The following CPQ variants were observed in gnomAD, a reference collection of about 807,000 sequenced individuals.
CPQ encodes the protein carboxypeptidase Q, also known as Ser-Met dipeptidase.
In CPQ, 37 loss-of-function variants were observed where a neutral mutation model predicts 45.7. The observed-to-expected ratio is 0.81, with a 90% CI of 0.62 to 1.07. The LOEUF (loss-of-function observed/expected upper bound fraction) is 1.07. CPQ is among the 50% of genes least tolerant of loss of function. The pLI is 0.00. For synonymous variants in CPQ, 186 were observed against 205.8 expected (o/e 0.90, Z 0.82); for missense variants, 537 against 572.9 (o/e 0.94, Z 0.64).
chr8:96,650,702 A>G (rs1223752240), intron 1 of CPQ, among the ~76,000 whole-genome samples: 1 of 152,224 alleles, frequency 6.6e-6, no homozygotes, highest in Non-Finnish European at 1.5e-5. Flanking sequence ...AGCAGATGGT[A>G]TTTGAAGACC....
At chr8:96,750,280 A>G (rs1810241406) in intron 1 of CPQ, among the ~76,000 whole-genome samples, 1 of 151,954 alleles carries the variant, frequency 6.6e-6, no homozygotes, top group African/African-American at 2.4e-5. Context: ...TTTTCAAACT[A>G]TATTTTTCAA....
At chr8:96,875,710 T>C (rs1812136554) in intron 3 of CPQ, among the ~76,000 whole-genome samples, 1 of 151,942 alleles carries the variant, frequency 6.6e-6, no homozygotes, top group Admixed American at 6.6e-5. Context: ...TTATGGTAAG[T>C]TTTTAAATAT....
intron 7 of CPQ, among the ~76,000 whole-genome samples, chr8:97,107,010 A>C (rs1434642108): frequency 6.6e-6 from 1 of 152,206 alleles, no homozygotes; most frequent in Non-Finnish European, 1.5e-5. Context: ...TTCTATTAGA[A>C]GGTGAAGAGC....
chr8:97,093,552 A>G (rs917312764), intron 7 of CPQ, among the ~76,000 whole-genome samples: 1 of 152,174 alleles, frequency 6.6e-6, no homozygotes, highest in South Asian at 2.1e-4. Flanking sequence ...AACCAAAAAT[A>G]AAAGTTGGAT....
At chr8:97,130,317 G>A (rs117740915) in intron 7 of CPQ, among the ~76,000 whole-genome samples, 3,528 of 151,828 alleles carry the variant, frequency 0.023, 67 homozygotes, top group Admixed American at 0.059. Context: ...CTCAAGCATC[G>A]TTTACCTTGC....
At chr8:96,980,050 C>A (rs1366259059) in intron 5 of CPQ, among the ~76,000 whole-genome samples, 2 of 152,064 alleles carry the variant, frequency 1.3e-5, no homozygotes, top group Non-Finnish European at 2.9e-5. Flanking sequence ...TAAGCATGTG[C>A]TCTATGTTAG....
At position 96,857,169 on chromosome 8, in the gene CPQ, C is replaced by A. The variant is rs762517508; in HGVS notation, c.641+21989C>A. ...ACCTATGGATTTGCACAGCCACACA[C>A]GGCCTTGCTGCAAATTTAGCAGCAG... On this transcript the variant is annotated intron_variant, in intron 3 of 7. Coordinates refer to ENST00000220763, the MANE Select transcript of CPQ (RefSeq NM_016134.4). Among the ~76,000 whole-genome samples, 4 of 152,206 alleles carry A rather than the reference C, an allele frequency of 2.6e-5. No homozygotes were observed. The East Asian group carries it at 5.8e-4, about 22-fold the overall frequency.
intron 5 of CPQ, among the ~76,000 whole-genome samples, chr8:97,021,068 A>G (rs975840775): frequency 2.0e-5 from 3 of 152,228 alleles, no homozygotes; most frequent in Non-Finnish European, 4.4e-5. Context: ...ATGGTTTAAC[A>G]TACACAAGTC....
chr8:97,094,919 TC>T (rs1477634640), intron 7 of CPQ, among the ~76,000 whole-genome samples: 1 of 152,148 alleles, frequency 6.6e-6, no homozygotes, highest in African/African-American at 2.4e-5. Flanking sequence ...ACAAAGGTCC[TC>T]CTTTTGGCCA....
chr8:96,854,979 T>A (rs1443179875), intron 3 of CPQ, among the ~76,000 whole-genome samples: 8 of 152,138 alleles, frequency 5.3e-5, no homozygotes, highest in Non-Finnish European at 1.2e-4. Flanking sequence ...AGGTATTTAG[T>A]GGAAAATGCA....
intron 4 of CPQ, among the ~76,000 whole-genome samples, chr8:96,880,956 G>A (rs1812216016): frequency 6.6e-6 from 1 of 152,044 alleles, no homozygotes; most frequent in Non-Finnish European, 1.5e-5. Flanking sequence ...GACTGAAGAA[G>A]GGCAGGAGTA....
chr8:96,999,495 T>C (rs1345067529), intron 5 of CPQ, among the ~76,000 whole-genome samples: 1 of 151,858 alleles, frequency 6.6e-6, no homozygotes, highest in Non-Finnish European at 1.5e-5. Context: ...GTAGTATTTG[T>C]TTTTCTGTTT....
chr8:96,847,095 A>G (rs1480592861), intron 3 of CPQ, among the ~76,000 whole-genome samples: 2 of 152,180 alleles, frequency 1.3e-5, no homozygotes, highest in Non-Finnish European at 2.9e-5. Context: ...ACTTTTCCTT[A>G]TTGGTGAGAC....
chr8:96,810,501 G>T lies in CPQ; in HGVS notation c.434-24472G>T, dbSNP rs112388902. Among the ~76,000 whole-genome samples, 710 of 152,250 alleles carry T rather than the reference G, an allele frequency of 4.7e-3. 5 individuals carry two copies. Among genetic ancestry groups the T allele is most frequent in the African/African-American group, 0.016 (655 of 41,552 alleles). On this transcript the variant is annotated intron_variant, in intron 2 of 7. Coordinates refer to ENST00000220763, the MANE Select transcript of CPQ (RefSeq NM_016134.4). ...GTCTCAGATAGAAGATGGAGATCTA[G>T]ACCCATCTACTGGATAGGATTACCA...
intron 5 of CPQ, among the ~76,000 whole-genome samples, chr8:97,021,944 G>T (rs576181630): frequency 6.6e-6 from 1 of 152,200 alleles, no homozygotes; most frequent in Admixed American, 6.5e-5. Flanking sequence ...TAAGCAAGAA[G>T]AATAAATCTG....
chr8:96,855,614 C>T (rs1811837040), intron 3 of CPQ, among the ~76,000 whole-genome samples: 3 of 152,132 alleles, frequency 2.0e-5, no homozygotes, highest in Non-Finnish European at 2.9e-5. Flanking sequence ...TATTCATTCA[C>T]GAAAATGTAT....
intron 1 of CPQ, among the ~76,000 whole-genome samples, chr8:96,678,112 T>C (rs1809099431): frequency 6.6e-6 from 1 of 152,118 alleles, no homozygotes; most frequent in Non-Finnish European, 1.5e-5. Context: ...ATGGGATGCT[T>C]CCAGATTTGT....
At chr8:97,108,810 G>A (rs1275835580) in intron 7 of CPQ, among the ~76,000 whole-genome samples, 1 of 152,180 alleles carries the variant, frequency 6.6e-6, no homozygotes, top group African/African-American at 2.4e-5. Flanking sequence ...GTTAATTATA[G>A]ACAATAACAT....
At chr8:96,662,768 G>T (rs572359991) in intron 1 of CPQ, among the ~76,000 whole-genome samples, 3 of 152,098 alleles carry the variant, frequency 2.0e-5, no homozygotes, top group Non-Finnish European at 4.4e-5. Flanking sequence ...CAGGCAGATC[G>T]CTTGAGCCCG....
Sources: gnomAD v4.1 joint callset for allele counts (sites outside exome capture counted in the v4.1 genomes callset) on GRCh38, gnomAD v4.1.1 for gene constraint, MANE v1.5 for transcripts, NCBI Gene and HGNC (gene_info 2026-07-23, HGNC 2026-07-21) for gene names.